Variants in LMLN observed in about 807,000 individuals in gnomAD.
LMLN encodes leishmanolysin-like peptidase.
In LMLN, 70 loss-of-function variants were observed where a neutral mutation model predicts 92.3. That is an observed-to-expected ratio of 0.76 (90% CI 0.63 to 0.92). The LOEUF (loss-of-function observed/expected upper bound fraction) is 0.92. LMLN is among the 40% of genes least tolerant of loss of function. The pLI, the probability that LMLN is intolerant of heterozygous loss-of-function variation, is 0.00. For missense variants in LMLN, 691 were observed against 814.6 expected (o/e 0.85, Z 1.85); for synonymous variants, 308 against 296.2 (o/e 1.04, Z -0.41).
chr3:197,971,481 G>A (rs1333993555), intron 1 of LMLN, among the ~76,000 whole-genome samples: 1 of 152,224 alleles, frequency 6.6e-6, no homozygotes, highest in Admixed American at 6.5e-5. Context: ...TTTGGCTGGG[G>A]ATGCAGAGCC....
chr3:198,017,546 G>A (rs1375915470), intron 11 of LMLN, among the ~76,000 whole-genome samples: 1 of 152,152 alleles, frequency 6.6e-6, no homozygotes, highest in Non-Finnish European at 1.5e-5. Flanking sequence ...TGGCTCTAGA[G>A]CTATACTGTC....
chr3:198,000,077 A>G (rs1722129701), intron 11 of LMLN, among the ~76,000 whole-genome samples: 1 of 151,820 alleles, frequency 6.6e-6, no homozygotes, highest in South Asian at 2.1e-4. Flanking sequence ...TTTTAAGTAG[A>G]GACAAGGTCT....
intron 1 of LMLN, among the ~76,000 whole-genome samples, chr3:197,963,753 A>G (rs1227017845): frequency 6.6e-6 from 1 of 152,182 alleles, no homozygotes; most frequent in South Asian, 2.1e-4. Context: ...TTGTTGTTGT[A>G]GTTTTGTATC....
At chr3:198,023,756 C>T (rs1402710226) in intron 13 of LMLN, among the ~76,000 whole-genome samples, 1 of 152,182 alleles carries the variant, frequency 6.6e-6, no homozygotes, top group Non-Finnish European at 1.5e-5. Context: ...CCATTAGAGG[C>T]CTTTCATTCC....
chr3:197,991,109 TTC>T (rs1307286012), intron 9 of LMLN, among the ~76,000 whole-genome samples: 2 of 135,014 alleles, frequency 1.5e-5, no homozygotes, highest in African/African-American at 3.4e-5. Flanking sequence ...TTTTCTTTCT[TTC>T]TTTTTTTTTT....
chr3:198,010,400 T>G (rs1722401233), intron 11 of LMLN, among the ~76,000 whole-genome samples: 2 of 152,064 alleles, frequency 1.3e-5, no homozygotes, highest in African/African-American at 4.8e-5. Context: ...CTGCATGCCT[T>G]GGCCTCCCAA....
At chr3:197,974,769 G>T (rs774517347) in intron 2 of LMLN, among the ~76,000 whole-genome samples, 7 of 152,206 alleles carry the variant, frequency 4.6e-5, no homozygotes, top group Non-Finnish European at 8.8e-5. Flanking sequence ...GACCTGGAAG[G>T]TACTCTTCAA....
At chr3:197,983,502 A>G (rs1233896902) in intron 6 of LMLN, among the ~76,000 whole-genome samples, 1 of 152,130 alleles carries the variant, frequency 6.6e-6, no homozygotes, top group Admixed American at 6.5e-5. Flanking sequence ...GGAATAGCAA[A>G]CAGATAAGAA....
chr3:197,965,162 A>G (rs530377486), intron 1 of LMLN, among the ~76,000 whole-genome samples: 2 of 152,212 alleles, frequency 1.3e-5, no homozygotes, highest in East Asian at 3.9e-4. Flanking sequence ...CTTCAGCCAC[A>G]TGCCACCACA....
intron 9 of LMLN, among the ~76,000 whole-genome samples, chr3:197,994,246 CA>C (rs1220300593): frequency 6.6e-6 from 1 of 151,888 alleles, no homozygotes; most frequent in African/African-American, 2.4e-5. Flanking sequence ...GTGCAGGCAA[CA>C]AAAATAAAAA....
exon 6 of LMLN, chr3:197,980,428 C>G: frequency 6.2e-7 from 1 of 1,612,960 alleles, no homozygotes; most frequent in Non-Finnish European, 8.5e-7. Context: ...CGTTGGTGCT[C>G]TGGCCACCGA....
chr3:197,990,457 C>T, intron 8 of LMLN, 102 bp from the exon 9 acceptor site: 1 of 539,876 alleles, frequency 1.9e-6, no homozygotes, highest in Non-Finnish European at 3.3e-6. Flanking sequence ...ATTTTAATTT[C>T]ATATTGATAT....
chr3:197,983,871 T>C, intron 6 of LMLN, 72 bp from the exon 7 acceptor site: 1 of 1,016,126 alleles, frequency 9.8e-7, no homozygotes, highest in Non-Finnish European at 1.5e-6. Context: ...TGAGCAGTAT[T>C]TGATGGAGAA....
chr3:197,961,044 A>G (rs1318131999), intron 1 of LMLN, among the ~76,000 whole-genome samples: 1 of 152,138 alleles, frequency 6.6e-6, no homozygotes, highest in Non-Finnish European at 1.5e-5. Flanking sequence ...CTCTCTGCTT[A>G]AATTCTTTGT....
intron 7 of LMLN, 144 bp downstream of exon 7, chr3:197,984,192 A>G (rs2109871472): frequency 4.7e-6 from 2 of 426,700 alleles, no homozygotes; most frequent in South Asian, 8.3e-5. Flanking sequence ...CTTAAAGTAT[A>G]ATAATAATAA....
intron 11 of LMLN, among the ~76,000 whole-genome samples, chr3:198,012,174 C>T (rs1230575255): frequency 6.6e-6 from 1 of 152,192 alleles, no homozygotes; most frequent in Admixed American, 6.5e-5. Context: ...AAGCTCTTCT[C>T]CTGCCCCAGC....
exon 16 of LMLN, chr3:198,043,584 C>CA (rs1723471871): frequency 6.6e-6 from 1 of 152,514 alleles, no homozygotes; most frequent in African/African-American, 2.4e-5. Context: ...GGGTCAGGGA[C>CA]AGGGATGGAG....
At chr3:197,988,847 A>G (rs1353632338) in intron 8 of LMLN, among the ~76,000 whole-genome samples, 1 of 151,602 alleles carries the variant, frequency 6.6e-6, no homozygotes, top group Non-Finnish European at 1.5e-5. Context: ...ACACCTGGCT[A>G]ATTTTTGTGT....
chr3:197,988,241 C>T (rs1180943354), intron 8 of LMLN, among the ~76,000 whole-genome samples: 1 of 151,748 alleles, frequency 6.6e-6, no homozygotes, highest in East Asian at 1.9e-4. Flanking sequence ...GCCTCCGTCT[C>T]TCAAGCAGCT....
Sources: gnomAD v4.1 joint callset for allele counts (sites outside exome capture counted in the v4.1 genomes callset) on GRCh38, gnomAD v4.1.1 for gene constraint, MANE v1.5 for transcripts, NCBI Gene and HGNC (gene_info 2026-07-23, HGNC 2026-07-21) for gene names.